TLE1: variants seen among roughly 807,000 people sequenced by gnomAD.
The protein encoded by TLE1 is TLE family member 1, transcriptional corepressor, also known as transducin-like enhancer protein 1.
Under a neutral mutation model 89.8 loss-of-function variants are expected in TLE1, and 21 were observed. The ratio of observed to expected loss-of-function variants is 0.23; its 90% confidence interval spans 0.17 to 0.34. The LOEUF is 0.34. Ranked by LOEUF, TLE1 falls within the 10% of genes least tolerant of loss-of-function variation. The pLI is 1.00. For missense variants in TLE1, 795 were observed against 1,031.2 expected (o/e 0.77, Z 3.14); for synonymous variants, 447 against 407.6 (o/e 1.10, Z -1.16).
intron 13 of TLE1, among the ~76,000 whole-genome samples, chr9:81,610,550 GGTAA>G (rs971301879): frequency 6.6e-6 from 1 of 152,092 alleles, no homozygotes; most frequent in Non-Finnish European, 1.5e-5. Flanking sequence ...ACTTCCCCAT[GGTAA>G]ATACTTCCCT....
At chr9:81,644,746 C>A (rs371248852) in intron 6 of TLE1, among the ~76,000 whole-genome samples, 1 of 152,090 alleles carries the variant, frequency 6.6e-6, no homozygotes, top group African/African-American at 2.4e-5. Flanking sequence ...GTAATCCCAG[C>A]ACTTTGGGAG....
Position 81,610,229 on chromosome 9 carries a change from C to T in TLE1, c.1322G>A (p.Gly441Glu), listed in dbSNP as rs1823522141. The T allele has an allele frequency of 1.2e-6, 2 of 1,613,910 alleles. No homozygotes were observed. Among genetic ancestry groups the T allele is most frequent in the Non-Finnish European group, 1.7e-6 (2 of 1,179,954 alleles). ...TIPPNLAGIP[G>E]GKPAYSFHVT... ...TCTTTGAGGTACTTACGGTTTCCCC[C>T]CAGGGATTCCTGCCAGGTTTGGAGG... The change falls in exon 14 of 20, where the codon GGG becomes GAG. Residue 441 changes from glycine (G) to glutamate (E), a missense_variant. By Grantham distance (98) the Gly-to-Glu change is moderately conservative. Coordinates refer to ENST00000376499, the MANE Select transcript of TLE1 (RefSeq NM_005077.5).
rs112584752 is a variant in TLE1, at chr9:81,601,072, G to T, written c.1332-7798C>A. 2.0e-3 allele frequency among the ~76,000 whole-genome samples: 297 copies of T among 152,292 alleles called. 2 individuals are homozygous for T. Among genetic ancestry groups the T allele is most frequent in the African/African-American group, 6.8e-3 (281 of 41,560 alleles). On this transcript the variant is annotated intron_variant, in intron 14 of 19. Coordinates refer to ENST00000376499, the MANE Select transcript of TLE1 (RefSeq NM_005077.5). ...CTCCTTCTCCATATCCATATCTATA[G>T]TTTATTGGTTCTGTTTCTCTGGAGA...
At chr9:81,671,277 G>A (rs757739432) in intron 4 of TLE1, among the ~76,000 whole-genome samples, 1 of 152,170 alleles carries the variant, frequency 6.6e-6, no homozygotes, top group Admixed American at 6.5e-5. Context: ...ACTTTGGAAG[G>A]CTGAAGCGGG....
chr9:81,590,617 A>G (rs1254955554), intron 16 of TLE1, among the ~76,000 whole-genome samples, 188 bp downstream of exon 16: 2 of 152,248 alleles, frequency 1.3e-5, no homozygotes, highest in Non-Finnish European at 2.9e-5. Context: ...GACACCAGGC[A>G]TAGTAATAAG....
intron 4 of TLE1, among the ~76,000 whole-genome samples, chr9:81,659,211 C>T (rs1830487526): frequency 6.6e-6 from 1 of 152,094 alleles, no homozygotes; most frequent in South Asian, 2.1e-4. Context: ...CCTGGCCTCT[C>T]GTAGTGACTC....
chr9:81,661,764 C>A (rs1053331472), intron 4 of TLE1, among the ~76,000 whole-genome samples: 9 of 151,944 alleles, frequency 5.9e-5, no homozygotes, highest in Non-Finnish European at 8.8e-5. Context: ...AATCCCCCCC[C>A]CAAAAAAAAT....
chr9:81,623,045 A>T (rs1825476664), intron 8 of TLE1, among the ~76,000 whole-genome samples: 1 of 152,182 alleles, frequency 6.6e-6, no homozygotes, highest in South Asian at 2.1e-4. Flanking sequence ...GTTGTTCTTG[A>T]TATAAGCAAA....
chr9:81,633,556 A>C (rs977870503), intron 7 of TLE1, 192 bp from the exon 8 acceptor site: 3 of 715,298 alleles, frequency 4.2e-6, no homozygotes, highest in Non-Finnish European at 6.8e-6. Context: ...TTGTAAACAT[A>C]AGATTTACAG....
intron 4 of TLE1, among the ~76,000 whole-genome samples, chr9:81,680,846 C>G: frequency 6.6e-6 from 1 of 151,090 alleles, no homozygotes; most frequent in East Asian, 2.0e-4. Context: ...TATACTCTAG[C>G]TAGTCATTTC....
intron 14 of TLE1, among the ~76,000 whole-genome samples, chr9:81,602,496 T>C (rs1466386764): frequency 6.6e-6 from 1 of 152,230 alleles, no homozygotes; most frequent in East Asian, 1.9e-4. Context: ...AAGGTGATTT[T>C]AGTTTTCCCT....
chr9:81,639,336 A>C (rs1305770975), intron 6 of TLE1, among the ~76,000 whole-genome samples: 1 of 151,976 alleles, frequency 6.6e-6, no homozygotes, highest in African/African-American at 2.4e-5. Flanking sequence ...AAAGTGCTAG[A>C]TTACAAGCGT....
chr9:81,623,134 C>T (rs1250728303), intron 8 of TLE1, among the ~76,000 whole-genome samples: 1 of 152,134 alleles, frequency 6.6e-6, no homozygotes, highest in African/African-American at 2.4e-5. Context: ...GGACCCTTAC[C>T]TTCATGATTC....
intron 8 of TLE1, among the ~76,000 whole-genome samples, chr9:81,625,265 A>G (rs1825767288): frequency 6.6e-6 from 1 of 152,212 alleles, no homozygotes; most frequent in Non-Finnish European, 1.5e-5. Flanking sequence ...TTATTAATAT[A>G]TGCTTCCTAA....
intron 4 of TLE1, among the ~76,000 whole-genome samples, chr9:81,679,706 G>T (rs1278238973): frequency 1.3e-5 from 2 of 152,048 alleles, no homozygotes; most frequent in African/African-American, 4.8e-5. Flanking sequence ...ATACCCTGTA[G>T]TAAAGGTACT....
At chr9:81,682,607 C>T (rs182431154) in intron 4 of TLE1, among the ~76,000 whole-genome samples, 1 of 152,126 alleles carries the variant, frequency 6.6e-6, no homozygotes, top group South Asian at 2.1e-4. Flanking sequence ...TAATATCAAA[C>T]CATATGACAG....
chr9:81,652,343 T>C, intron 5 of TLE1, 55 bp from the exon 6 acceptor site: 4 of 1,497,424 alleles, frequency 2.7e-6, no homozygotes, highest in South Asian at 1.1e-5. Context: ...CTTCACTGTA[T>C]ATTCTAACAA....
rs1828726534 is a variant in TLE1, at chr9:81,587,690, G to A, written c.1968C>T (p.Phe656=). Residue 656 remains phenylalanine (F), a synonymous_variant, in exon 17 of 20, where the codon TTC becomes TTT. Coordinates refer to ENST00000376499, the MANE Select transcript of TLE1 (RefSeq NM_005077.5). The stretch of plus-strand genomic sequence containing the variant: ...GAAGCCACTCAGTCACCTGGGAGGT[G>A]AAGTCGTGCTGCTGCAGCTGCCGCC... ...REGRQLQQHD[F]TSQIFSLGYC... is the part of the protein sequence containing the mutation. 5.0e-6 allele frequency: 8 copies of A among 1,611,840 alleles called. No individual in the cohort carries two copies. The highest frequency in any genetic ancestry group is 6.8e-6 in the Non-Finnish European group (8 of 1,178,842).
At chr9:81,662,332 G>A (rs1157702967) in intron 4 of TLE1, among the ~76,000 whole-genome samples, 2 of 151,330 alleles carry the variant, frequency 1.3e-5, no homozygotes, top group Non-Finnish European at 2.9e-5. Context: ...TGATGCAGGA[G>A]ACACGGTGTT....
Sources: gnomAD v4.1 joint callset for allele counts (sites outside exome capture counted in the v4.1 genomes callset) on GRCh38, gnomAD v4.1.1 for gene constraint, MANE v1.5 for transcripts, NCBI Gene and HGNC (gene_info 2026-07-23, HGNC 2026-07-21) for gene names.